Variants in AGBL4 observed in about 807,000 individuals in gnomAD.
AGBL4 encodes AGBL carboxypeptidase 4, also known as cytosolic carboxypeptidase 6.
A neutral mutation model predicts 66.4 loss-of-function variants in AGBL4; 58 were observed. The observed-to-expected ratio is 0.87, with a 90% CI of 0.71 to 1.09. The LOEUF is 1.09. AGBL4 is among the 50% of genes least tolerant of loss of function. The pLI is 0.00. For missense variants in AGBL4, 579 were observed against 631.0 expected (o/e 0.92, Z 0.88); for synonymous variants, 234 against 222.9 (o/e 1.05, Z -0.44).
intron 3 of AGBL4, among the ~76,000 whole-genome samples, chr1:49,387,842 C>T (rs1644766579): frequency 6.6e-6 from 1 of 151,886 alleles, no homozygotes; most frequent in South Asian, 2.1e-4. Context: ...GTAAGAGTTA[C>T]AATATTTGAA....
chr1:49,235,743 GTTTC>G (rs1385122332), intron 4 of AGBL4, among the ~76,000 whole-genome samples: 1 of 152,134 alleles, frequency 6.6e-6, no homozygotes, highest in Non-Finnish European at 1.5e-5. Flanking sequence ...TCTTCCCTGG[GTTTC>G]TTTCTTACCC....
chr1:50,003,658 A>G (rs1660924149), intron 1 of AGBL4, among the ~76,000 whole-genome samples: 1 of 152,190 alleles, frequency 6.6e-6, no homozygotes, highest in East Asian at 1.9e-4. Context: ...CAAGTAATAA[A>G]AAGAGAAAGA....
intron 2 of AGBL4, among the ~76,000 whole-genome samples, chr1:49,833,721 T>C (rs1645763127): frequency 6.6e-6 from 1 of 152,168 alleles, no homozygotes; most frequent in South Asian, 2.1e-4. Context: ...CCGTTGTAAG[T>C]TGGATTCCTA....
chr1:49,627,871 T>C (rs114654581), intron 3 of AGBL4, among the ~76,000 whole-genome samples: 1,805 of 152,292 alleles, frequency 0.012, 31 homozygotes, highest in African/African-American at 0.041. Context: ...CAGTTACTTA[T>C]GACCTCTGAT....
chr1:48,646,038 T>G (rs1422219005), intron 8 of AGBL4, among the ~76,000 whole-genome samples: 1 of 152,112 alleles, frequency 6.6e-6, no homozygotes, highest in Non-Finnish European at 1.5e-5. Flanking sequence ...TGAATAATCC[T>G]TCAGAGGGCG....
chr1:49,841,383 T>C (rs1557501924), intron 2 of AGBL4, among the ~76,000 whole-genome samples: 1 of 152,194 alleles, frequency 6.6e-6, no homozygotes, highest in Non-Finnish European at 1.5e-5. Flanking sequence ...TGCTCATTGA[T>C]TGGAACAATC....
intron 3 of AGBL4, among the ~76,000 whole-genome samples, chr1:49,684,881 G>C (rs1039520501): frequency 6.6e-6 from 1 of 152,094 alleles, no homozygotes; most frequent in African/African-American, 2.4e-5. Context: ...AATTAAAAGT[G>C]ATAAACTTTC....
chr1:49,511,663 A>T (rs1267020029), intron 3 of AGBL4, among the ~76,000 whole-genome samples: 2 of 151,426 alleles, frequency 1.3e-5, no homozygotes, highest in Non-Finnish European at 3.0e-5. Flanking sequence ...TTTCTCCCCA[A>T]TGCGTTTTAT....
intron 6 of AGBL4, among the ~76,000 whole-genome samples, chr1:48,720,589 G>A (rs889934329): frequency 3.9e-5 from 6 of 152,170 alleles, no homozygotes; most frequent in Non-Finnish European, 8.8e-5. Flanking sequence ...TGCTTCACAG[G>A]TTTGTGTGAG....
intron 1 of AGBL4, among the ~76,000 whole-genome samples, chr1:49,873,056 A>C (rs991366443): frequency 2.6e-5 from 4 of 151,944 alleles, no homozygotes; most frequent in Non-Finnish European, 4.4e-5. Flanking sequence ...GACAAGCTAT[A>C]TTTCAGAAGA....
intron 3 of AGBL4, among the ~76,000 whole-genome samples, chr1:49,285,440 C>T (rs977835099): frequency 6.6e-6 from 1 of 151,918 alleles, no homozygotes; most frequent in African/African-American, 2.4e-5. Context: ...AATTGACACC[C>T]TAAGATCACA....
chr1:49,623,165 G>C (rs1441513088), intron 3 of AGBL4, among the ~76,000 whole-genome samples: 2 of 152,200 alleles, frequency 1.3e-5, no homozygotes, highest in African/African-American at 4.8e-5. Context: ...GGTTTCCTAA[G>C]AAGTTATGCA....
chr1:49,263,916 G>T (rs1653478328), intron 3 of AGBL4, among the ~76,000 whole-genome samples: 1 of 152,122 alleles, frequency 6.6e-6, no homozygotes, highest in African/African-American at 2.4e-5. Flanking sequence ...TGGATAAATT[G>T]TGGTTCATTA....
rs1431606237 is a variant in AGBL4, at chr1:49,966,324, T to A, written c.34+57439A>T. On this transcript the variant is annotated intron_variant, in intron 1 of 13. Transcript: ENST00000371839. ...GAGTTATATTGTTACATAATTGTAA[T>A]TACTTGACATAAAATTGTATCCTGT... Among the ~76,000 whole-genome samples the A allele has an allele frequency of 2.6e-5, 4 of 152,204 alleles. No individual in the cohort carries two copies. In the East Asian group the frequency reaches 7.7e-4, roughly 29 times the overall value.
At chr1:49,350,491 C>T (rs2148519050) in intron 3 of AGBL4, among the ~76,000 whole-genome samples, 1 of 152,226 alleles carries the variant, frequency 6.6e-6, no homozygotes, top group East Asian at 1.9e-4. Flanking sequence ...GCGTGAGCCA[C>T]CGCGCCCGGC....
At chr1:48,720,475 G>A (rs1393970313) in intron 6 of AGBL4, among the ~76,000 whole-genome samples, 1 of 152,208 alleles carries the variant, frequency 6.6e-6, no homozygotes. Flanking sequence ...AGGCTTAGAT[G>A]CCAGTTCAGG....
At chr1:49,254,269 T>C (rs1229749940) in intron 3 of AGBL4, among the ~76,000 whole-genome samples, 2 of 152,046 alleles carry the variant, frequency 1.3e-5, no homozygotes, top group African/African-American at 2.4e-5. Flanking sequence ...CTCAGCCCCA[T>C]CATCTCAGCC....
At chr1:48,749,708 T>C (rs1301230068) in intron 6 of AGBL4, among the ~76,000 whole-genome samples, 1 of 152,210 alleles carries the variant, frequency 6.6e-6, no homozygotes, top group African/African-American at 2.4e-5. Context: ...TTGTCACCTC[T>C]AGAAGCTCTG....
At chr1:49,793,083 C>T (rs778629485) in intron 2 of AGBL4, among the ~76,000 whole-genome samples, 2 of 151,966 alleles carry the variant, frequency 1.3e-5, no homozygotes, top group Non-Finnish European at 2.9e-5. Context: ...TCTCTATCCT[C>T]TTATTTTTAT....
Sources: allele counts gnomAD v4.1 joint callset (sites outside exome capture counted in the v4.1 genomes callset), GRCh38; gene constraint gnomAD v4.1.1; transcripts MANE v1.5; gene names NCBI Gene and HGNC (gene_info 2026-07-23, HGNC 2026-07-21).